NAB2: variants seen among roughly 807,000 people sequenced by gnomAD.
The protein encoded by NAB2 is NGFI-A binding protein 2.
Under a neutral mutation model 44.2 loss-of-function variants are expected in NAB2, and 9 were observed. The observed-to-expected ratio is 0.20, with a 90% CI of 0.12 to 0.36. NAB2 has a LOEUF of 0.36. NAB2 is among the 10% of genes least tolerant of loss of function. The probability of loss-of-function intolerance (pLI) is 1.00; values close to 1 mark genes in which losing one functional copy is unlikely to be tolerated. For missense variants in NAB2, 514 were observed against 709.0 expected (o/e 0.73, Z 3.12); for synonymous variants, 342 against 291.0 (o/e 1.18, Z -1.78).
In NAB2 at chr12:57,089,292, C is replaced by G. The variant is rs747616892; in HGVS notation, c.21C>G (p.Pro7=). The G allele has an allele frequency of 5.1e-6, 8 of 1,577,496 alleles. No individual in the cohort carries two copies. The highest frequency in any genetic ancestry group is 6.9e-6 in the Non-Finnish European group (8 of 1,162,194). The part of the protein sequence containing the change: MHRAPS[P]TAEQPPGGGD... ...CGTCCATGCACAGAGCGCCTTCCCC[C>G]ACAGCCGAGCAGCCGCCGGGCGGAG... Residue 7 remains proline (P), a synonymous_variant, in exon 1 of 7, where the codon CCC becomes CCG. Transcript: ENST00000300131.
rs761211696 is a variant in NAB2 at position 57,091,456 on chromosome 12, G to A, written c.415G>A (p.Gly139Arg). The A allele has an allele frequency of 2.5e-6, 4 of 1,614,102 alleles. No individual in the cohort carries two copies. The African/African-American group carries it at 5.3e-5, about 22-fold the overall frequency. Residue 139 changes from glycine to arginine, a missense_variant, in exon 2 of 7, where the codon GGG becomes AGG. Physicochemically the swap from Gly to Arg is moderately radical, Grantham distance 125 (BLOSUM62 -2). Transcript: ENST00000300131. This position sits in a 1 kb window ranked among gnomAD's most constrained non-coding sequence, Gnocchi z 7.3. ...KISETAGTRK[G>R]SMSNGHGSPG... is the part of the protein sequence containing the mutation. ...CTCTGAGACTGCGGGTACCCGGAAA[G>A]GGAGCATGAGCAATGGGCATGGCAG... is the stretch of plus-strand genomic sequence containing the variant.
In NAB2 at chr12:57,089,313, C is replaced by T; in HGVS notation, c.42C>T (p.Gly14=). The part of the protein sequence containing the change: ...APSPTAEQPP[G]GGDSARRTLQ... Reference sequence around the variant, plus strand: ...CCCCCACAGCCGAGCAGCCGCCGGGCGGAGGGGACAGCGCCCGCCGGACCC... The same window carrying T: ...CCCCCACAGCCGAGCAGCCGCCGGGTGGAGGGGACAGCGCCCGCCGGACCC... Residue 14 remains glycine, a synonymous_variant, in exon 1 of 7, where the codon GGC becomes GGT. Coordinates refer to ENST00000300131, the MANE Select transcript of NAB2 (RefSeq NM_005967.4). 7.0e-6 allele frequency: 11 copies of T among 1,578,224 alleles called. No homozygotes were observed. The highest frequency in any genetic ancestry group is 9.5e-6 in the Non-Finnish European group (11 of 1,162,724).
rs2033224867 is a variant in NAB2, at chr12:57,092,972, T to G, written c.1143+4T>G. ...ACTGAAGAAGCTGAAACAAGAGGTATGTTTTCCGGGGTGCATATAGGGGCA... is the reference window on the plus strand; with the variant it reads ...ACTGAAGAAGCTGAAACAAGAGGTAGGTTTTCCGGGGTGCATATAGGGGCA... On this transcript the variant is annotated splice_donor_region_variant and intron_variant, in intron 4 of 6. Transcript: ENST00000300131. 1 of 1,614,030 alleles carries G rather than the reference T, an allele frequency of 6.2e-7. No individual in the cohort carries two copies. The highest frequency in any genetic ancestry group is 8.5e-7 in the Non-Finnish European group (1 of 1,180,022).
chr12:57,092,034 C>T (rs765880126), intron 2 of NAB2, 36 bp downstream of exon 2: 4 of 1,567,756 alleles, frequency 2.6e-6, no homozygotes, highest in Non-Finnish European at 3.5e-6. Flanking sequence ...TTGCCCTTGA[C>T]TTCCAGGTCT....
In NAB2 at chr12:57,092,442, C is replaced by T. The variant is rs1337314806; in HGVS notation, c.958-6C>T. 3 of 1,613,912 alleles carry T rather than the reference C, an allele frequency of 1.9e-6. 1 individual carries two copies. In the South Asian group the frequency reaches 3.3e-5, roughly 18 times the overall value. On this transcript the variant is annotated splice_region_variant and splice_polypyrimidine_tract_variant and intron_variant, in intron 2 of 6. Transcript: ENST00000300131. ...TCTGACTCTCCTGGCTGCCCTCCCT[C>T]CACAGCTCACCATCAACGAGGCTGC...
Position 57,091,610 on chromosome 12 carries a change from C to T in NAB2, c.569C>T (p.Thr190Ile). 6.2e-7 allele frequency: 1 copy of T among 1,604,992 alleles called. No homozygotes were observed. The highest frequency in any genetic ancestry group is 8.5e-7 in the Non-Finnish European group (1 of 1,174,770). ...GDPRIWPGRS[T>I]PESDVGAGGE... ...CCCCGGATCTGGCCAGGCCGGAGCA[C>T]TCCAGAGTCGGACGTTGGGGCAGGA... Residue 190 changes from threonine (T) to isoleucine (I), a missense_variant, in exon 2 of 7, where the codon ACT becomes ATT. Thr to Ile is a moderately conservative substitution (Grantham distance 89, BLOSUM62 -1). Coordinates refer to ENST00000300131, the MANE Select transcript of NAB2 (RefSeq NM_005967.4). This position sits in a 1 kb window ranked among gnomAD's most constrained non-coding sequence, Gnocchi z 7.3.
chr12:57,093,488 A>G lies in NAB2; in HGVS notation c.1358A>G (p.His453Arg). ...ALPAHGLWSRHILQQTLMDEG... is the reference protein window; with the variant it reads ...ALPAHGLWSRRILQQTLMDEG... ...CCAGCCCATGGGCTATGGAGCCGAC[A>G]CATCCTGCAGCAGACACTGATGGAC... is the stretch of plus-strand genomic sequence containing the variant. Residue 453 changes from histidine to arginine, a missense_variant, in exon 6 of 7, where the codon CAC becomes CGC. By Grantham distance (29) the His-to-Arg change is conservative (BLOSUM62 0). Coordinates refer to ENST00000300131, the MANE Select transcript of NAB2 (RefSeq NM_005967.4). 1.9e-6 allele frequency: 3 copies of G among 1,595,986 alleles called. No individual in the cohort carries two copies. Among genetic ancestry groups the G allele is most frequent in the Non-Finnish European group, 2.6e-6 (3 of 1,172,324 alleles).
At chr12:57,089,862 T>G (rs1362190127) in intron 1 of NAB2, among the ~76,000 whole-genome samples, 2 of 152,172 alleles carry the variant, frequency 1.3e-5, no homozygotes, top group Admixed American at 6.5e-5. Context: ...GAGGGGAGTT[T>G]CAGTGTGCAG....
In NAB2 at chr12:57,095,179, G is replaced by C. The variant is rs908375517; in HGVS notation, c.*458G>C. ...TGCTCCTTCTCCCCTCTCCTTCCCC[G>C]TTTTTGTGCTTCTGGTTTGTTTCTT... On this transcript the variant is annotated 3_prime_UTR_variant, in exon 7 of 7. Transcript: ENST00000300131. The C allele has an allele frequency of 4.4e-5, 7 of 157,940 alleles. No individual in the cohort carries two copies. Among genetic ancestry groups the C allele is most frequent in the African/African-American group, 1.7e-4 (7 of 41,548 alleles). 9.8% of individuals were successfully genotyped at this position (157,940 alleles called of 1,614,324 possible).
chr12:57,090,037 C>T (rs566254811), intron 1 of NAB2, among the ~76,000 whole-genome samples: 34 of 152,276 alleles, frequency 2.2e-4, no homozygotes, highest in Non-Finnish European at 3.2e-4. Context: ...AGAACAATTG[C>T]GCCCCTCCCC....
chr12:57,091,093 G>T lies in NAB2; in HGVS notation c.84-32G>T. The T allele has an allele frequency of 6.7e-7, 1 of 1,491,614 alleles. No individual in the cohort carries two copies. Among genetic ancestry groups the T allele is most frequent in the South Asian group, 1.4e-5 (1 of 73,024 alleles). The allele number at this position is 1,491,614 out of a possible 1,614,324, so 92.4% of individuals were successfully genotyped here. On this transcript the variant is annotated intron_variant, in intron 1 of 6. Transcript: ENST00000300131. This position sits in a 1 kb window ranked among gnomAD's most constrained non-coding sequence, Gnocchi z 7.3. ...GGTACCCAGTAGGGGGACTTGCACC[G>T]ACTGCCTCTCTCTTGTGCCCCTCCT...
In NAB2 at chr12:57,091,771, A is replaced by G. The variant is rs750478418; in HGVS notation, c.730A>G (p.Met244Val). 7 of 1,614,156 alleles carry G rather than the reference A, an allele frequency of 4.3e-6. No individual in the cohort carries two copies. Among genetic ancestry groups the G allele is most frequent in the East Asian group, 2.2e-5 (1 of 44,874 alleles). ...CCGACTGGAGCCAGAGATGGTACGCATGGTGGTGGAAAGTGTGGAGAGGAT... is the reference window on the plus strand; with the variant it reads ...CCGACTGGAGCCAGAGATGGTACGCGTGGTGGTGGAAAGTGTGGAGAGGAT... ...PDRLEPEMVR[M>V]VVESVERIFR... The change falls in exon 2 of 7, where the codon ATG (methionine) becomes GTG (valine). Residue 244 changes from methionine to valine, a missense_variant. By Grantham distance (21) the Met-to-Val change is conservative. Coordinates refer to ENST00000300131, the MANE Select transcript of NAB2 (RefSeq NM_005967.4). This position sits in a 1 kb window ranked among gnomAD's most constrained non-coding sequence, Gnocchi z 7.3.
chr12:57,092,386 A>C, intron 2 of NAB2, 62 bp from the exon 3 acceptor site: 1 of 1,590,872 alleles, frequency 6.3e-7, no homozygotes, highest in Non-Finnish European at 8.6e-7. Flanking sequence ...GGGTGTGAGG[A>C]GGTCTGGTGA....
intron 6 of NAB2, 30 bp from the exon 7 acceptor site, chr12:57,094,582 A>G (rs1291925078): frequency 6.6e-7 from 1 of 1,514,574 alleles, no homozygotes; most frequent in Admixed American, 2.0e-5. Context: ...GTCACCCTGC[A>G]GTCTCCTAAC....
Position 57,095,324 on chromosome 12 carries a change from C to T in NAB2, c.*603C>T, listed in dbSNP as rs1285769299. ...GGTGTGGGATCCCTTCACTGGCCCC[C>T]TCGGGAGGCCTGGGTTGGACTCAGG... is the stretch of plus-strand genomic sequence containing the variant. On this transcript the variant is annotated 3_prime_UTR_variant, in exon 7 of 7. Transcript: ENST00000300131. 2 of 153,070 alleles carry T rather than the reference C, an allele frequency of 1.3e-5. No individual in the cohort carries two copies. The highest frequency in any genetic ancestry group is 4.8e-5 in the African/African-American group (2 of 41,454). The allele number at this position is 153,070 out of a possible 1,614,324, so 9.5% of individuals were successfully genotyped here. A position where few individuals can be genotyped will look rare whatever the true frequency, so the allele number is the denominator to read the frequency against.
At position 57,091,915 on chromosome 12, in the gene NAB2, G is replaced by A; in HGVS notation, c.874G>A (p.Glu292Lys). 1 of 1,614,148 alleles carries A rather than the reference G, an allele frequency of 6.2e-7. No homozygotes were observed. Among genetic ancestry groups the A allele is most frequent in the Non-Finnish European group, 8.5e-7 (1 of 1,180,012 alleles). Reference sequence around the variant, plus strand: ...GATGGATGATAATGACAGCCAGAAGGAAGAGGAGATCCGCAAATACAGCAT... The same window carrying A: ...GATGGATGATAATGACAGCCAGAAGAAAGAGGAGATCCGCAAATACAGCAT... The part of the protein sequence containing the change: ...FEMDDNDSQK[E>K]EEIRKYSIIY... The change falls in exon 2 of 7, where the codon GAA (glutamate) becomes AAA (lysine). Residue 292 changes from glutamate to lysine, a missense_variant. Glu to Lys is a moderately conservative substitution (Grantham distance 56, BLOSUM62 1). Transcript: ENST00000300131. The surrounding 1 kb of genome is among the most constrained non-coding windows in gnomAD (Gnocchi z 7.3).
At position 57,093,402 on chromosome 12, in the gene NAB2, C is replaced by T; in HGVS notation, c.1277-5C>T. On this transcript the variant is annotated splice_polypyrimidine_tract_variant and splice_region_variant and intron_variant, in intron 5 of 6. Transcript: ENST00000300131. ...CCCTTACCTGACCAGTGCCCATGCC[C>T]ACAGCTGTGGGGTCATGTCCAAGGC... is the stretch of plus-strand genomic sequence containing the variant. The T allele has an allele frequency of 1.3e-6, 2 of 1,555,098 alleles. No homozygotes were observed. The highest frequency in any genetic ancestry group is 1.7e-6 in the Non-Finnish European group (2 of 1,151,712).
chr12:57,089,418 C>A, intron 1 of NAB2, 64 bp downstream of exon 1: 2 of 1,450,354 alleles, frequency 1.4e-6, no homozygotes, highest in Non-Finnish European at 1.9e-6. Context: ...GGAATGGGGT[C>A]CAGAGGGCGG....
At chr12:57,092,856 G>C in intron 3 of NAB2, 61 bp from the exon 4 acceptor site, 1 of 1,589,334 alleles carries the variant, frequency 6.3e-7, no homozygotes, top group Middle Eastern at 1.7e-4. Flanking sequence ...TGGGTTCTGT[G>C]CTCTGCCAGT....
Sources: gnomAD v4.1 joint callset for allele counts (sites outside exome capture counted in the v4.1 genomes callset) on GRCh38, gnomAD v4.1.1 for gene constraint, Gnocchi (gnomAD v3.1) non-coding constraint, MANE v1.5 for transcripts, NCBI Gene and HGNC (gene_info 2026-07-23, HGNC 2026-07-21) for gene names.